ATOSA: variants seen among roughly 807,000 people sequenced by gnomAD.
ATOSA encodes the protein atos homolog A.
At chr15:52,645,905 T>C in the ATOSA span, among the ~76,000 whole-genome samples, 1 of 152,232 alleles carries the variant, frequency 6.6e-6, no homozygotes. Flanking sequence ...GATTTACCTG[T>C]ACTCTCATAA....
the ATOSA span, among the ~76,000 whole-genome samples, chr15:52,708,323 C>T: frequency 1.3e-5 from 2 of 152,142 alleles, no homozygotes; most frequent in Non-Finnish European, 2.9e-5. Context: ...GCCCCAGTGT[C>T]AAGGCTGCTT....
chr15:52,661,734 A>T, the ATOSA span, among the ~76,000 whole-genome samples: 1 of 152,180 alleles, frequency 6.6e-6, no homozygotes, highest in African/African-American at 2.4e-5. Flanking sequence ...GGCCATGGTT[A>T]GGCTACGACC....
chr15:52,656,039 G>A, the ATOSA span: 2 of 151,814 alleles, frequency 1.3e-5, no homozygotes, highest in African/African-American at 4.8e-5. Context: ...ACAAATAACA[G>A]CAATACATTA....
the ATOSA span, among the ~76,000 whole-genome samples, chr15:52,690,721 A>C: frequency 1.0e-3 from 153 of 152,356 alleles, no homozygotes; most frequent in African/African-American, 3.5e-3. Context: ...CAACAGTGGT[A>C]ATGTGCCACC....
At chr15:52,624,410 T>C in the ATOSA span, among the ~76,000 whole-genome samples, 3 of 152,314 alleles carry the variant, frequency 2.0e-5, no homozygotes, top group African/African-American at 7.2e-5. Context: ...ATCTAGGCTA[T>C]AAATGGTTAC....
At chr15:52,679,936 C>A in the ATOSA span, among the ~76,000 whole-genome samples, 3 of 151,276 alleles carry the variant, frequency 2.0e-5, no homozygotes, top group Non-Finnish European at 4.4e-5. Flanking sequence ...GGGTGGGCAG[C>A]TATGCGGGTC....
At chr15:52,633,135 A>G in the ATOSA span, among the ~76,000 whole-genome samples, 1 of 152,210 alleles carries the variant, frequency 6.6e-6, no homozygotes, top group Non-Finnish European at 1.5e-5. Context: ...TTGGGCCTGT[A>G]TACATAGAGA....
the ATOSA span, among the ~76,000 whole-genome samples, chr15:52,699,299 C>T: frequency 1.3e-5 from 2 of 152,050 alleles, no homozygotes; most frequent in Non-Finnish European, 2.9e-5. Context: ...CTGTTTCAGT[C>T]AGGCAGGAGA....
At chr15:52,705,334 A>G in the ATOSA span, among the ~76,000 whole-genome samples, 1 of 151,496 alleles carries the variant, frequency 6.6e-6, no homozygotes, top group Non-Finnish European at 1.5e-5. Flanking sequence ...GCAGGGGAAC[A>G]TCACACACTG....
chr15:52,600,272 C>A, the ATOSA span: 1 of 1,311,282 alleles, frequency 7.6e-7, no homozygotes, highest in Admixed American at 1.8e-5. Context: ...AACACATTAG[C>A]CACAATACTT....
chr15:52,599,244 C>T, the ATOSA span, among the ~76,000 whole-genome samples: 1 of 152,062 alleles, frequency 6.6e-6, no homozygotes. Flanking sequence ...TCTTGTAGTA[C>T]AAAGGTTGCT....
At chr15:52,605,197 G>C in the ATOSA span, 1 of 1,611,248 alleles carries the variant, frequency 6.2e-7, no homozygotes, top group Non-Finnish European at 8.5e-7. Flanking sequence ...TCCATCCAAG[G>C]AATGAAAATT....
chr15:52,587,337 A>G, the ATOSA span: 1 of 831,342 alleles, frequency 1.2e-6, no homozygotes, highest in Non-Finnish European at 1.8e-6. Context: ...ATGGAAAAAC[A>G]TTCATATTGA....
chr15:52,681,066 G>A, the ATOSA span, among the ~76,000 whole-genome samples: 1 of 152,198 alleles, frequency 6.6e-6, no homozygotes, highest in African/African-American at 2.4e-5. Context: ...AATGTTGAGA[G>A]CAGAAGCCAA....
chr15:52,621,335 C>T, the ATOSA span, among the ~76,000 whole-genome samples: 2 of 152,300 alleles, frequency 1.3e-5, no homozygotes, highest in East Asian at 3.9e-4. Context: ...AAAGCAAACA[C>T]ATAATCCCAC....
chr15:52,675,537 C>T, the ATOSA span, among the ~76,000 whole-genome samples: 1 of 152,216 alleles, frequency 6.6e-6, no homozygotes, highest in African/African-American at 2.4e-5. Context: ...ATCTGAGTCT[C>T]TACATTAAAA....
At chr15:52,681,473 A>G in the ATOSA span, among the ~76,000 whole-genome samples, 2 of 152,228 alleles carry the variant, frequency 1.3e-5, no homozygotes, top group Non-Finnish European at 2.9e-5. Flanking sequence ...GACTCTGACA[A>G]TAGTTATCGC....
the ATOSA span, among the ~76,000 whole-genome samples, chr15:52,585,755 C>A: frequency 6.6e-6 from 1 of 152,134 alleles, no homozygotes; most frequent in Admixed American, 6.5e-5. Context: ...TGAAACAAAA[C>A]CCCAAGCTGC....
At chr15:52,607,235 T>C in the ATOSA span, among the ~76,000 whole-genome samples, 2 of 152,296 alleles carry the variant, frequency 1.3e-5, no homozygotes, top group South Asian at 2.1e-4. Flanking sequence ...GGTTTCCCTA[T>C]AGACACTTTG....
Sources: allele counts gnomAD v4.1 joint callset (sites outside exome capture counted in the v4.1 genomes callset), GRCh38; gene constraint gnomAD v4.1.1; transcripts MANE v1.5; gene names NCBI Gene and HGNC (gene_info 2026-07-23, HGNC 2026-07-21).